CAMK2A: variants seen among roughly 807,000 people sequenced by gnomAD.
CAMK2A encodes calcium/calmodulin-dependent protein kinase type II subunit alpha.
CAMK2A carries 7 observed loss-of-function variants against 79.2 expected under a neutral mutation model. The observed-to-expected ratio is 0.09, with a 90% CI of 0.05 to 0.17. The LOEUF (loss-of-function observed/expected upper bound fraction) is 0.17, where lower values mean the gene tolerates loss of function less well. CAMK2A is among the 10% of genes least tolerant of loss of function. The pLI, the probability that CAMK2A is intolerant of heterozygous loss-of-function variation, is 1.00. For synonymous variants in CAMK2A, 242 were observed against 251.7 expected (o/e 0.96, Z 0.36); for missense variants, 214 against 646.4 (o/e 0.33, Z 7.25).
intron 17 of CAMK2A, among the ~76,000 whole-genome samples, chr5:150,225,280 G>A (rs1754547182): frequency 6.6e-6 from 1 of 152,142 alleles, no homozygotes; most frequent in South Asian, 2.1e-4. Flanking sequence ...CTGACATGGT[G>A]TCTTTTGAAA....
intron 15 of CAMK2A, among the ~76,000 whole-genome samples, chr5:150,237,826 ATTTT>A (rs1755148681): frequency 6.6e-6 from 1 of 152,078 alleles, no homozygotes; most frequent in Non-Finnish European, 1.5e-5. Context: ...CCTTATTACT[ATTTT>A]TGTTTTATCC....
chr5:150,276,053 A>G (rs139796448), intron 1 of CAMK2A, among the ~76,000 whole-genome samples: 223 of 152,336 alleles, frequency 1.5e-3, no homozygotes, highest in African/African-American at 4.9e-3. Flanking sequence ...CTCATCACCC[A>G]GGAAATTCCA....
At position 150,263,486 on chromosome 5, in the gene CAMK2A, TACACTCAC is replaced by T. The variant is rs1756380948; in HGVS notation, c.217+1462_217+1469del. On this transcript the variant is annotated intron_variant, in intron 3 of 18. Transcript: ENST00000671881. ...TTCACACACTCCACACACTCTCACA[TACACTCAC>T]ACACTCACATACACACATTCACACA... is the stretch of plus-strand genomic sequence containing the variant. Among the ~76,000 whole-genome samples, 3 of 144,856 alleles carry T rather than the reference TACACTCAC, an allele frequency of 2.1e-5. No individual in the cohort carries two copies. In the South Asian group the frequency reaches 6.6e-4, roughly 32 times the overall value.
chr5:150,282,751 T>C (rs570496745), intron 1 of CAMK2A, among the ~76,000 whole-genome samples: 2 of 152,358 alleles, frequency 1.3e-5, no homozygotes, highest in African/African-American at 4.8e-5. Context: ...ATCTCCCATA[T>C]CATTCTTTCA....
intron 3 of CAMK2A, among the ~76,000 whole-genome samples, chr5:150,258,479 T>C (rs962403901): frequency 3.3e-5 from 5 of 152,260 alleles, no homozygotes; most frequent in African/African-American, 1.2e-4. Flanking sequence ...GCGGCAGTTA[T>C]GTATCTACTG....
intron 15 of CAMK2A, among the ~76,000 whole-genome samples, chr5:150,234,645 G>A (rs1319381794): frequency 6.6e-6 from 1 of 152,138 alleles, no homozygotes; most frequent in East Asian, 1.9e-4. Flanking sequence ...AAATGAGAGT[G>A]TGGTTATTAT....
At chr5:150,286,296 C>T (rs988035941) in intron 1 of CAMK2A, among the ~76,000 whole-genome samples, 7 of 152,236 alleles carry the variant, frequency 4.6e-5, no homozygotes, top group African/African-American at 1.4e-4. Flanking sequence ...ATGGAACCTG[C>T]AGTCGAGTAG....
chr5:150,224,417 T>C (rs1400377097), intron 17 of CAMK2A, among the ~76,000 whole-genome samples: 3 of 152,146 alleles, frequency 2.0e-5, no homozygotes, highest in Non-Finnish European at 4.4e-5. Flanking sequence ...TCTCCTTCCC[T>C]ACCACTTGAT....
At chr5:150,278,555 G>A (rs1182681638) in intron 1 of CAMK2A, among the ~76,000 whole-genome samples, 1 of 152,078 alleles carries the variant, frequency 6.6e-6, no homozygotes, top group Non-Finnish European at 1.5e-5. Context: ...GGCAGGAGAG[G>A]CAACGAGGCC....
intron 6 of CAMK2A, 51 bp from the exon 7 acceptor site, chr5:150,253,597 A>G: frequency 6.8e-7 from 1 of 1,477,278 alleles, no homozygotes; most frequent in Non-Finnish European, 9.5e-7. Context: ...GCCAAGAGAC[A>G]GTCAGCAGAT....
At chr5:150,268,331 G>A (rs1376482183) in intron 2 of CAMK2A, among the ~76,000 whole-genome samples, 3 of 152,076 alleles carry the variant, frequency 2.0e-5, no homozygotes, top group Non-Finnish European at 4.4e-5. Flanking sequence ...TCTCTGCCCT[G>A]ACACACCAAG....
At chr5:150,247,648 A>C (rs1036711099) in intron 12 of CAMK2A, 124 bp downstream of exon 12, 35 of 721,702 alleles carry the variant, frequency 4.8e-5, no homozygotes, top group Non-Finnish European at 8.1e-5. Context: ...CCTTAGTCAC[A>C]GAGTCCTCTA....
chr5:150,273,416 T>C (rs1372349458), intron 1 of CAMK2A, among the ~76,000 whole-genome samples: 1 of 152,224 alleles, frequency 6.6e-6, no homozygotes, highest in Admixed American at 6.5e-5. Context: ...GTCGGGCTCA[T>C]CATGCTGTAA....
chr5:150,257,838 A>C (rs1756127500), intron 3 of CAMK2A, among the ~76,000 whole-genome samples: 1 of 152,166 alleles, frequency 6.6e-6, no homozygotes, highest in Non-Finnish European at 1.5e-5. Context: ...GGGCTTCAAC[A>C]TGAAAGATGC....
chr5:150,234,247 G>A (rs892153236), intron 15 of CAMK2A, among the ~76,000 whole-genome samples: 4 of 152,146 alleles, frequency 2.6e-5, no homozygotes, highest in Admixed American at 6.5e-5. Flanking sequence ...CTGGCTCACC[G>A]TTCCAGGAGC....
chr5:150,247,749 G>T (rs751312080), intron 12 of CAMK2A, 23 bp downstream of exon 12: 3 of 1,602,066 alleles, frequency 1.9e-6, no homozygotes, highest in African/African-American at 2.7e-5. Context: ...GCTTACTGGG[G>T]ACCCTGAGGT....
intron 2 of CAMK2A, among the ~76,000 whole-genome samples, chr5:150,268,723 A>G (rs899830134): frequency 6.6e-6 from 1 of 152,158 alleles, no homozygotes; most frequent in Non-Finnish European, 1.5e-5. Flanking sequence ...TGAGATTTCA[A>G]TCCATGTACA....
intron 1 of CAMK2A, among the ~76,000 whole-genome samples, chr5:150,275,751 G>C (rs752477483): frequency 6.6e-6 from 1 of 152,212 alleles, no homozygotes; most frequent in Non-Finnish European, 1.5e-5. Flanking sequence ...GGTCTGGAAG[G>C]ATCTTGAACA....
intron 1 of CAMK2A, among the ~76,000 whole-genome samples, chr5:150,281,964 A>G (rs190110138): frequency 3.3e-4 from 50 of 152,338 alleles, no homozygotes; most frequent in Middle Eastern, 3.4e-3. Context: ...GCAGCTTCTC[A>G]AATGGCAAAT....
Sources: allele counts gnomAD v4.1 joint callset (sites outside exome capture counted in the v4.1 genomes callset), GRCh38; gene constraint gnomAD v4.1.1; transcripts MANE v1.5; gene names NCBI Gene and HGNC (gene_info 2026-07-23, HGNC 2026-07-21).